Variants in MPP7 observed in about 807,000 individuals in gnomAD.
MPP7 encodes MAGUK p55 scaffold protein 7.
A neutral mutation model predicts 76.5 loss-of-function variants in MPP7; 60 were observed. The observed-to-expected ratio is 0.78, with a 90% CI of 0.64 to 0.97. MPP7 has a LOEUF of 0.97. Among genes scored for constraint, MPP7 ranks in the 50% least tolerant of loss-of-function variants. The pLI, the probability that MPP7 is intolerant of heterozygous loss-of-function variation, is 0.00. For synonymous variants in MPP7, 237 were observed against 244.5 expected, an observed-to-expected ratio of 0.97 and a Z score of 0.29; for missense variants, 641 against 694.0, an observed-to-expected ratio of 0.92 and a Z score of 0.86.
intron 3 of MPP7, among the ~76,000 whole-genome samples, chr10:28,200,431 T>C (rs1837732328): frequency 6.6e-6 from 1 of 152,156 alleles, no homozygotes; most frequent in Admixed American, 6.5e-5. Flanking sequence ...GCAACATGAG[T>C]TTATTCGCTC....
At chr10:28,293,343 AACAAT>A in intron 1 of MPP7, among the ~76,000 whole-genome samples, 1 of 152,334 alleles carries the variant, frequency 6.6e-6, no homozygotes, top group East Asian at 1.9e-4. Flanking sequence ...TGCAAATAAG[AACAAT>A]AACATATCAC....
At chr10:28,314,466 G>A (rs896208441) in intron 2 of MPP7, among the ~76,000 whole-genome samples, 1 of 152,182 alleles carries the variant, frequency 6.6e-6, no homozygotes, top group South Asian at 2.1e-4. Context: ...TCCTGGAGTG[G>A]GCTTGATGAA....
intron 12 of MPP7, among the ~76,000 whole-genome samples, 190 bp downstream of exon 12, chr10:28,089,481 G>C (rs1159536638): frequency 6.6e-6 from 1 of 152,144 alleles, no homozygotes; most frequent in African/African-American, 2.4e-5. Context: ...CCGTTCTTCA[G>C]AAATGTCTTA....
chr10:28,136,264 A>C (rs2133702323), intron 5 of MPP7, among the ~76,000 whole-genome samples: 1 of 152,166 alleles, frequency 6.6e-6, no homozygotes, highest in South Asian at 2.1e-4. Flanking sequence ...CACTTGAATC[A>C]CACTGAAATC....
chr10:28,177,786 G>A (rs1836924873), intron 3 of MPP7, among the ~76,000 whole-genome samples: 1 of 152,144 alleles, frequency 6.6e-6, no homozygotes, highest in South Asian at 2.1e-4. Flanking sequence ...CAGACAAAGT[G>A]GGGAATTGTT....
At chr10:28,258,971 T>A (rs1394625907) in intron 1 of MPP7, among the ~76,000 whole-genome samples, 1 of 152,112 alleles carries the variant, frequency 6.6e-6, no homozygotes, top group African/African-American at 2.4e-5. Context: ...AGCCTTTGTG[T>A]AACATGTCTC....
chr10:28,110,499 A>G (rs963770960), intron 11 of MPP7, among the ~76,000 whole-genome samples: 1 of 152,226 alleles, frequency 6.6e-6, no homozygotes, highest in African/African-American at 2.4e-5. Flanking sequence ...ATTTTGGCTC[A>G]TTGGATTAGA....
intron 5 of MPP7, among the ~76,000 whole-genome samples, chr10:28,135,680 A>G (rs1835332309): frequency 6.6e-6 from 1 of 152,194 alleles, no homozygotes; most frequent in African/African-American, 2.4e-5. Flanking sequence ...CATAATTCAT[A>G]GGCACTGAGA....
intron 12 of MPP7, among the ~76,000 whole-genome samples, chr10:28,083,989 T>TA (rs1852887264): frequency 6.6e-6 from 1 of 152,228 alleles, no homozygotes; most frequent in African/African-American, 2.4e-5. Flanking sequence ...TACTGCCTTA[T>TA]ACCAGCAATT....
intron 3 of MPP7, among the ~76,000 whole-genome samples, chr10:28,151,766 G>A (rs901539322): frequency 5.3e-5 from 8 of 152,350 alleles, no homozygotes; most frequent in African/African-American, 1.9e-4. Flanking sequence ...AAGAGGCAGA[G>A]CTGAGATTTC....
chr10:28,280,336 C>T (rs765777201), intron 1 of MPP7, among the ~76,000 whole-genome samples: 1 of 152,048 alleles, frequency 6.6e-6, no homozygotes, highest in Non-Finnish European at 1.5e-5. Context: ...TGCATATCCT[C>T]CTGCACACTT....
chr10:28,178,744 G>C (rs775924712), intron 3 of MPP7, among the ~76,000 whole-genome samples: 3 of 152,018 alleles, frequency 2.0e-5, no homozygotes, highest in African/African-American at 7.2e-5. Context: ...AAAGTTCATG[G>C]AACACAGAAT....
chr10:28,193,215 G>GTTT (rs34271924), intron 3 of MPP7, among the ~76,000 whole-genome samples: 2 of 136,708 alleles, frequency 1.5e-5, no homozygotes, highest in African/African-American at 2.8e-5. Flanking sequence ...TTGGTTTTTT[G>GTTT]TTTTTTTTTT....
intron 1 of MPP7, among the ~76,000 whole-genome samples, chr10:28,300,603 T>A (rs1230129854): frequency 6.6e-6 from 1 of 152,150 alleles, no homozygotes; most frequent in Non-Finnish European, 1.5e-5. Flanking sequence ...TGTTAAAATG[T>A]ACATGTGAAA....
rs552367850 is a variant in MPP7, at chr10:28,125,804, T to C, written c.448-713A>G. The stretch of plus-strand genomic sequence containing the variant: ...ATTGGCATAAGATTAGGAAACAGTC[T>C]CAAAAAGAAGCCAAAAATTCTTCAC... On this transcript the variant is annotated intron_variant, in intron 6 of 16. Coordinates refer to ENST00000683449, the MANE Select transcript of MPP7 (RefSeq NM_001318170.2). Among the ~76,000 whole-genome samples the C allele has an allele frequency of 2.0e-3, 311 of 152,222 alleles. 1 individual carries two copies. The highest frequency in any genetic ancestry group is 3.5e-3 in the Non-Finnish European group (235 of 68,014).
intron 1 of MPP7, among the ~76,000 whole-genome samples, chr10:28,278,885 T>C (rs1840584319): frequency 6.6e-6 from 1 of 151,370 alleles, no homozygotes; most frequent in Non-Finnish European, 1.5e-5. Flanking sequence ...TTGCGTTCTC[T>C]TTGCCATTCA....
intron 1 of MPP7, among the ~76,000 whole-genome samples, chr10:28,300,927 AAC>A (rs2133155644): frequency 6.7e-6 from 1 of 148,234 alleles, no homozygotes; most frequent in South Asian, 2.1e-4. Flanking sequence ...CAGCCTGGAC[AAC>A]AGAGTGAGAC....
intron 3 of MPP7, among the ~76,000 whole-genome samples, chr10:28,176,028 T>C (rs991428959): frequency 6.6e-6 from 1 of 152,180 alleles, no homozygotes; most frequent in Non-Finnish European, 1.5e-5. Flanking sequence ...AATAAGTTCA[T>C]TGATTACCTT....
At chr10:28,069,609 AC>A (rs780682203) in intron 13 of MPP7, among the ~76,000 whole-genome samples, 162 bp downstream of exon 13, 25 of 130,324 alleles carry the variant, frequency 1.9e-4, no homozygotes, top group East Asian at 3.2e-3. Context: ...TCTCAAAAAA[AC>A]AAAACAAACA....
Sources: gnomAD v4.1 joint callset for allele counts (sites outside exome capture counted in the v4.1 genomes callset) on GRCh38, gnomAD v4.1.1 for gene constraint, MANE v1.5 for transcripts, NCBI Gene and HGNC (gene_info 2026-07-23, HGNC 2026-07-21) for gene names.